Variants in PDCD6IP observed in about 807,000 individuals in gnomAD.
PDCD6IP encodes programmed cell death 6 interacting protein.
PDCD6IP carries 43 observed loss-of-function variants against 103.7 expected under a neutral mutation model. The observed-to-expected ratio is 0.41, with a 90% CI of 0.32 to 0.53. The LOEUF (loss-of-function observed/expected upper bound fraction) is 0.53, where lower values mean the gene tolerates loss of function less well. PDCD6IP is among the 20% of genes least tolerant of loss of function. The probability of loss-of-function intolerance (pLI) is 0.16; values close to 1 mark genes in which losing one functional copy is unlikely to be tolerated. For synonymous variants in PDCD6IP, 354 were observed against 378.7 expected (o/e 0.93, Z 0.76); for missense variants, 871 against 1,036.7 (o/e 0.84, Z 2.20).
At position 33,867,398 on chromosome 3, in the gene PDCD6IP, C is replaced by T. The variant is rs1319818149; in HGVS notation, c.*873C>T. On this transcript the variant is annotated 3_prime_UTR_variant, in exon 18 of 18. Transcript: ENST00000307296. Reference sequence around the variant, plus strand: ...CCATAACCTGGTTAAAATAAATACGCCATTGGCAATACTTCATAATGTAAT... The same window carrying T: ...CCATAACCTGGTTAAAATAAATACGTCATTGGCAATACTTCATAATGTAAT... The T allele has an allele frequency of 3.3e-5, 5 of 152,170 alleles. No individual in the cohort carries two copies. The highest frequency in any genetic ancestry group is 3.3e-4 in the Admixed American group (5 of 15,282). 9.4% of individuals were successfully genotyped at this position (152,170 alleles called of 1,614,324 possible).
chr3:33,821,975 GAA>G lies in PDCD6IP; in HGVS notation c.358_359del (p.Lys120GlufsTer12). On this transcript the variant is annotated frameshift_variant, in exon 4 of 18. Transcript: ENST00000307296. LOFTEE classifies it high-confidence loss of function. ...TACAGCTCTTGCAAGCTTAGGATAT[GAA>G]AAGAGCTGTGTGTTGTTCAATTGTG... ...VKLALASLGY[E>X]KSCVLFNCAA... 6.2e-7 allele frequency: 1 copy of G among 1,613,668 alleles called. No individual in the cohort carries two copies. Among genetic ancestry groups the G allele is most frequent in the Non-Finnish European group, 8.5e-7 (1 of 1,179,830 alleles).
intron 3 of PDCD6IP, among the ~76,000 whole-genome samples, chr3:33,815,064 A>G (rs563209454): frequency 6.0e-4 from 89 of 148,864 alleles, no homozygotes; most frequent in Middle Eastern, 3.7e-3. Context: ...GATGTATAAT[A>G]TGTATTATAT....
intron 12 of PDCD6IP, among the ~76,000 whole-genome samples, chr3:33,848,636 C>T (rs1697648105): frequency 6.6e-6 from 1 of 152,148 alleles, no homozygotes; most frequent in Non-Finnish European, 1.5e-5. Flanking sequence ...ATCGCTTGAC[C>T]TTGTGATCCA....
intron 7 of PDCD6IP, among the ~76,000 whole-genome samples, chr3:33,829,310 C>G (rs1299989201): frequency 6.6e-6 from 1 of 152,028 alleles, no homozygotes; most frequent in East Asian, 1.9e-4. Flanking sequence ...AAAATTCATG[C>G]AGAATTTGCA....
At chr3:33,832,165 G>C (rs538073700) in intron 7 of PDCD6IP, among the ~76,000 whole-genome samples, 4 of 152,174 alleles carry the variant, frequency 2.6e-5, no homozygotes, top group Admixed American at 6.5e-5. Context: ...TCCAAGGTCA[G>C]GGTGCCAGTA....
chr3:33,869,175 A>G lies in PDCD6IP; in HGVS notation c.*2650A>G, dbSNP rs1011505674. Reference sequence around the variant, plus strand: ...TTCCATTTGAACTTTACAGTTTGCAAAAGTGCTTTTATACATTTTCTAATT... The same window carrying G: ...TTCCATTTGAACTTTACAGTTTGCAGAAGTGCTTTTATACATTTTCTAATT... On this transcript the variant is annotated 3_prime_UTR_variant, in exon 18 of 18. Transcript: ENST00000307296. 1 of 151,908 alleles carries G rather than the reference A, an allele frequency of 6.6e-6. No individual in the cohort carries two copies. The highest frequency in any genetic ancestry group is 1.5e-5 in the Non-Finnish European group (1 of 68,014). The allele number at this position is 151,908 out of a possible 1,614,324, so 9.4% of individuals were successfully genotyped here.
At chr3:33,827,083 CT>C (rs925927895) in intron 6 of PDCD6IP, 2 of 985,234 alleles carry the variant, frequency 2.0e-6, no homozygotes, top group Non-Finnish European at 2.4e-6. Context: ...AAAAATTGGG[CT>C]GCTAATGGAC....
intron 15 of PDCD6IP, among the ~76,000 whole-genome samples, chr3:33,858,671 G>A (rs1326620151): frequency 6.6e-6 from 1 of 152,050 alleles, no homozygotes; most frequent in Non-Finnish European, 1.5e-5. Flanking sequence ...CTAGCTGGGC[G>A]TGGTGGCGGG....
At chr3:33,833,766 A>G (rs998529531) in intron 7 of PDCD6IP, among the ~76,000 whole-genome samples, 18 of 151,890 alleles carry the variant, frequency 1.2e-4, no homozygotes, top group African/African-American at 4.4e-4. Context: ...TTTTTTCCTT[A>G]TGGTTTTTTT....
At position 33,858,375 on chromosome 3, in the gene PDCD6IP, A is replaced by T. The variant is rs562378686; in HGVS notation, c.2120+3115A>T. ...ATGGCATGCACTTCTAGTCCCAGCT[A>T]CTTGGGAGATTGAAGTGGGAGGATG... On this transcript the variant is annotated intron_variant, in intron 15 of 17. Coordinates refer to ENST00000307296, the MANE Select transcript of PDCD6IP (RefSeq NM_013374.6). 1.3e-4 allele frequency among the ~76,000 whole-genome samples: 20 copies of T among 152,292 alleles called. No homozygotes were observed. In the South Asian group the frequency reaches 3.9e-3, roughly 30 times the overall value.
At chr3:33,844,994 A>G (rs1559791255) in intron 11 of PDCD6IP, among the ~76,000 whole-genome samples, 1 of 151,898 alleles carries the variant, frequency 6.6e-6, no homozygotes, top group Admixed American at 6.6e-5. Flanking sequence ...AGTTTTATTT[A>G]TCTTTGTAAA....
chr3:33,818,288 A>G (rs925738119), intron 3 of PDCD6IP, among the ~76,000 whole-genome samples: 2 of 149,394 alleles, frequency 1.3e-5, no homozygotes. Context: ...TTGTATTTTT[A>G]GTAGAGACGG....
At chr3:33,844,030 T>C (rs2125567677) in intron 10 of PDCD6IP, 82 bp from the exon 11 acceptor site, 3 of 832,592 alleles carry the variant, frequency 3.6e-6, no homozygotes, top group Non-Finnish European at 1.9e-6. Flanking sequence ...CTCACTTATA[T>C]TGTGTATGAA....
At chr3:33,835,356 C>T in intron 7 of PDCD6IP, 1 of 453,098 alleles carries the variant, frequency 2.2e-6, no homozygotes, top group Non-Finnish European at 4.4e-6. Context: ...GTTTCCAGAC[C>T]CTTGTTTCAG....
intron 16 of PDCD6IP, among the ~76,000 whole-genome samples, chr3:33,864,449 C>CT (rs74796185): frequency 0.14 from 20,912 of 152,072 alleles, 1,875 homozygotes; most frequent in East Asian, 0.39. Context: ...TATGAAATAA[C>CT]TGAGTTGATC....
At chr3:33,823,143 C>T (rs183650855) in intron 4 of PDCD6IP, among the ~76,000 whole-genome samples, 34 of 152,090 alleles carry the variant, frequency 2.2e-4, no homozygotes, top group Middle Eastern at 3.4e-3. Context: ...AATGTCATTC[C>T]GATTTTACAT....
chr3:33,866,866 A>C lies in PDCD6IP; in HGVS notation c.*341A>C, dbSNP rs529228629. 7 of 189,116 alleles carry C rather than the reference A, an allele frequency of 3.7e-5. No homozygotes were observed. The highest frequency in any genetic ancestry group is 1.6e-4 in the African/African-American group (7 of 43,168). 11.7% of individuals were successfully genotyped at this position (189,116 alleles called of 1,614,324 possible). The stretch of plus-strand genomic sequence containing the variant: ...TGGTTGGGACATCAGATACTTACAA[A>C]GATGGTTTAAGTATGGATACTAGAG... On this transcript the variant is annotated 3_prime_UTR_variant, in exon 18 of 18. Coordinates refer to ENST00000307296, the MANE Select transcript of PDCD6IP (RefSeq NM_013374.6).
chr3:33,801,111 G>A (rs921503869), intron 1 of PDCD6IP, among the ~76,000 whole-genome samples: 1 of 152,128 alleles, frequency 6.6e-6, no homozygotes, highest in Non-Finnish European at 1.5e-5. Flanking sequence ...GCTTCTAGAG[G>A]GGTTAGGGTA....
intron 3 of PDCD6IP, among the ~76,000 whole-genome samples, chr3:33,815,118 A>G (rs1015704998): frequency 1.5e-4 from 22 of 149,126 alleles, no homozygotes; most frequent in Admixed American, 8.1e-4. Context: ...TATATCTTAT[A>G]TAAGGTTTAT....
Sources: gnomAD v4.1 joint callset for allele counts (sites outside exome capture counted in the v4.1 genomes callset) on GRCh38, gnomAD v4.1.1 for gene constraint, MANE v1.5 for transcripts, NCBI Gene and HGNC (gene_info 2026-07-23, HGNC 2026-07-21) for gene names.